Variants in SERF2 observed in about 807,000 individuals in gnomAD.
SERF2 encodes the protein gastric cancer-related protein VRG107.
SERF2 carries 4 observed loss-of-function variants against 10.7 expected under a neutral mutation model. The observed-to-expected ratio is 0.37, with a 90% CI of 0.18 to 0.86. The LOEUF (loss-of-function observed/expected upper bound fraction) is 0.86. SERF2 is among the 40% of genes least tolerant of loss of function. The pLI is 0.43. For missense variants in SERF2, 47 were observed against 79.1 expected (o/e 0.59, Z 1.54); for synonymous variants, 26 against 26.0 (o/e 1.00, Z 0.01).
In SERF2 at chr15:43,795,130, C is replaced by G; in HGVS notation, c.*1357C>G. On this transcript the variant is annotated 3_prime_UTR_variant, in exon 3 of 3. Transcript: ENST00000249786. ...TAACAGCCCCAGATAGAGGAGTACG[C>G]AGGCCCAGCATGAGGCAACCTTGAC... 6.2e-7 allele frequency: 1 copy of G among 1,614,116 alleles called. No homozygotes were observed. Among genetic ancestry groups the G allele is most frequent in the Non-Finnish European group, 8.5e-7 (1 of 1,180,030 alleles).
chr15:43,791,223 G>A (rs1018578012), upstream of SERF2, among the ~76,000 whole-genome samples: 1 of 151,106 alleles, frequency 6.6e-6, no homozygotes, highest in African/African-American at 2.4e-5. Context: ...ACAGGCGCCC[G>A]CCACCACGCC....
In SERF2 at chr15:43,793,864, A is replaced by C; in HGVS notation, c.*91A>C. 6.2e-7 allele frequency: 1 copy of C among 1,612,156 alleles called. No individual in the cohort carries two copies. Among genetic ancestry groups the C allele is most frequent in the African/African-American group, 1.3e-5 (1 of 75,028 alleles). On this transcript the variant is annotated 3_prime_UTR_variant, in exon 3 of 3. Transcript: ENST00000249786. The stretch of plus-strand genomic sequence containing the variant: ...TCGCGTTTCCTCCTGTAGTGCTCAC[A>C]GGTCCCAGCACCGATGGCATTCCCT...
chr15:43,783,927 ATTTTTTTTTTTTTTT>A (rs71111825), intron 1 of SERF2, among the ~76,000 whole-genome samples: 23 of 48,150 alleles, frequency 4.8e-4, no homozygotes, highest in African/African-American at 1.6e-3. Flanking sequence ...ACGCCCAGCT[ATTTTTTTTTTTTTTT>A]TTTTTTTTTT....
At chr15:43,788,362 G>C (rs1313195952), upstream of SERF2, among the ~76,000 whole-genome samples, 1 of 151,946 alleles carries the variant, frequency 6.6e-6, no homozygotes, top group African/African-American at 2.4e-5. Context: ...TCCTGACCTC[G>C]TGATCGGCCC....
At chr15:43,787,947 T>A (rs554626069), upstream of SERF2, among the ~76,000 whole-genome samples, 5 of 150,172 alleles carry the variant, frequency 3.3e-5, no homozygotes, top group East Asian at 7.9e-4. Flanking sequence ...CAATCATGGC[T>A]CACTGCAACC....
chr15:43,792,613 T>G (rs2141679180), intron 1 of SERF2: 1 of 1,434,902 alleles, frequency 7.0e-7, no homozygotes, highest in Middle Eastern at 1.9e-4. Context: ...TTCCGCGGTG[T>G]AAGGAGAAGG....
intron 1 of SERF2, among the ~76,000 whole-genome samples, chr15:43,784,816 A>T (rs916339704): frequency 1.4e-5 from 2 of 145,714 alleles, no homozygotes; most frequent in African/African-American, 5.2e-5. Flanking sequence ...GTAATGACTG[A>T]ATCTTGGCTC....
At chr15:43,786,967 C>T (rs1230611121) in intron 2 of SERF2, among the ~76,000 whole-genome samples, 1 of 151,710 alleles carries the variant, frequency 6.6e-6, no homozygotes, top group Admixed American at 6.6e-5. Context: ...AGGTGAATAC[C>T]ACAAAATAAT....
intron 1 of SERF2, among the ~76,000 whole-genome samples, chr15:43,779,453 G>A (rs540248570): frequency 6.6e-6 from 1 of 152,176 alleles, no homozygotes; most frequent in East Asian, 1.9e-4. Flanking sequence ...TACAATTCAG[G>A]GAATCTGTGA....
Position 43,794,726 on chromosome 15 carries a change from G to A in SERF2, c.*953G>A, listed in dbSNP as rs910727618. The A allele has an allele frequency of 8.8e-5, 34 of 384,386 alleles. No individual in the cohort carries two copies. The highest frequency in any genetic ancestry group is 2.3e-4 in the Admixed American group (6 of 25,708). 23.8% of individuals were successfully genotyped at this position (384,386 alleles called of 1,614,324 possible). ...GCCAGGAAAGGGCTGGTGCCACACT[G>A]TCTGCTGGGATCAGCGGTGGTTCTT... On this transcript the variant is annotated 3_prime_UTR_variant, in exon 3 of 3. Transcript: ENST00000249786.
Position 43,795,406 on chromosome 15 carries a change from G to A in SERF2, c.*1633G>A. The stretch of plus-strand genomic sequence containing the variant: ...ATCTTACCTGAACCAGTTGGTAAGG[G>A]TAACCATGACATAGAGTGAGGCAAG... On this transcript the variant is annotated 3_prime_UTR_variant, in exon 3 of 3. Transcript: ENST00000249786. The A allele has an allele frequency of 6.2e-7, 1 of 1,614,210 alleles. No individual in the cohort carries two copies. The highest frequency in any genetic ancestry group is 8.5e-7 in the Non-Finnish European group (1 of 1,180,032).
intron 1 of SERF2, among the ~76,000 whole-genome samples, chr15:43,780,394 G>A (rs1418680034): frequency 4.6e-5 from 7 of 152,076 alleles, no homozygotes; most frequent in Non-Finnish European, 7.4e-5. Flanking sequence ...CGCCCACCTC[G>A]GCCTCCCAAA....
intron 1 of SERF2, among the ~76,000 whole-genome samples, chr15:43,783,664 A>G (rs1367568910): frequency 4.0e-5 from 6 of 151,770 alleles, no homozygotes; most frequent in Non-Finnish European, 8.8e-5. Flanking sequence ...CAGTGACACA[A>G]TCATAGCTCA....
At chr15:43,788,195 G>C (rs1415756990), upstream of SERF2, among the ~76,000 whole-genome samples, 2 of 151,636 alleles carry the variant, frequency 1.3e-5, no homozygotes, top group Non-Finnish European at 2.9e-5. Flanking sequence ...ATTTTTTGTA[G>C]AGACGGGGTC....
At chr15:43,791,225 C>T (rs966114331), upstream of SERF2, among the ~76,000 whole-genome samples, 9 of 152,038 alleles carry the variant, frequency 5.9e-5, no homozygotes, top group Non-Finnish European at 8.8e-5. Flanking sequence ...AGGCGCCCGC[C>T]ACCACGCCCG....
At chr15:43,789,618 T>A (rs184440325), upstream of SERF2, among the ~76,000 whole-genome samples, 5 of 152,344 alleles carry the variant, frequency 3.3e-5, no homozygotes, top group East Asian at 9.6e-4. Flanking sequence ...TCTGTTTTTA[T>A]GGGTCAGTGC....
chr15:43,789,106 G>A (rs1373807854), upstream of SERF2, among the ~76,000 whole-genome samples: 2 of 150,268 alleles, frequency 1.3e-5, no homozygotes, highest in African/African-American at 2.5e-5. Context: ...CCGAGATGGC[G>A]CCACTGCACT....
At chr15:43,792,415 T>C in intron 1 of SERF2, 32 bp downstream of exon 1, 1 of 1,613,884 alleles carries the variant, frequency 6.2e-7, no homozygotes, top group Non-Finnish European at 8.5e-7. Context: ...CCTTGCCCTT[T>C]TCTTTCCGTT....
Position 43,794,006 on chromosome 15 carries a change from G to C in SERF2, c.*233G>C. 6.8e-7 allele frequency: 1 copy of C among 1,477,270 alleles called. No homozygotes were observed. Among genetic ancestry groups the C allele is most frequent in the Non-Finnish European group, 9.0e-7 (1 of 1,114,954 alleles). 91.5% of individuals were successfully genotyped at this position (1,477,270 alleles called of 1,614,324 possible). ...CCCCTTCCCAGTGTTTTTTATTCCT[G>C]TGGGGCTCACCCCAAAGTATTAAAA... On this transcript the variant is annotated 3_prime_UTR_variant, in exon 3 of 3. Transcript: ENST00000249786.
Sources: gnomAD v4.1 joint callset for allele counts (sites outside exome capture counted in the v4.1 genomes callset) on GRCh38, gnomAD v4.1.1 for gene constraint, MANE v1.5 for transcripts, NCBI Gene and HGNC (gene_info 2026-07-23, HGNC 2026-07-21) for gene names.